The following LSAMP variants were observed in gnomAD, a reference collection of about 807,000 sequenced individuals.
LSAMP encodes the protein limbic system associated membrane protein, also known as limbic system-associated membrane protein.
Under a neutral mutation model 38.6 loss-of-function variants are expected in LSAMP, and 7 were observed. That is an observed-to-expected ratio of 0.18 (90% CI 0.10 to 0.34). LSAMP has a LOEUF of 0.34. LSAMP is among the 10% of genes least tolerant of loss of function. The probability of loss-of-function intolerance (pLI) is 1.00; values close to 1 mark genes in which losing one functional copy is unlikely to be tolerated. For synonymous variants in LSAMP, 154 were observed against 166.8 expected (o/e 0.92, Z 0.59); for missense variants, 313 against 420.0 (o/e 0.75, Z 2.23).
At chr3:115,899,276 A>G (rs1279032204) in intron 3 of LSAMP, among the ~76,000 whole-genome samples, 2 of 152,122 alleles carry the variant, frequency 1.3e-5, no homozygotes, top group Non-Finnish European at 2.9e-5. Context: ...TCTCTGTGGC[A>G]GCAGGAGTCC....
At chr3:116,319,585 A>G (rs1488003461) in intron 1 of LSAMP, among the ~76,000 whole-genome samples, 1 of 152,202 alleles carries the variant, frequency 6.6e-6, no homozygotes, top group East Asian at 1.9e-4. Flanking sequence ...AAATATATGA[A>G]AAAGAACACT....
chr3:116,171,986 A>G (rs1710211352), intron 1 of LSAMP, among the ~76,000 whole-genome samples: 1 of 152,102 alleles, frequency 6.6e-6, no homozygotes, highest in Non-Finnish European at 1.5e-5. Context: ...TTTACATACA[A>G]TAAAATTACT....
rs915770489 is a variant in LSAMP at position 115,806,751 on chromosome 3, T to C, written c.*3566A>G. On this transcript the variant is annotated 3_prime_UTR_variant, in exon 7 of 7. Transcript: ENST00000490035. Reference sequence around the variant, plus strand: ...CCTTCCTGAGAGAAAACCCATCTGCTTTTCTATAAGCCTTAGTTCTTTTAA... The same window carrying C: ...CCTTCCTGAGAGAAAACCCATCTGCCTTTCTATAAGCCTTAGTTCTTTTAA... 6.6e-6 allele frequency: 1 copy of C among 152,186 alleles called. No individual in the cohort carries two copies. The highest frequency in any genetic ancestry group is 2.4e-5 in the African/African-American group (1 of 41,442). 9.4% of individuals were successfully genotyped at this position (152,186 alleles called of 1,614,324 possible).
rs2046891003 is a variant in LSAMP, at chr3:116,266,287, G to C, written c.155+178590C>G. On this transcript the variant is annotated intron_variant, in intron 1 of 6. Transcript: ENST00000490035. ...TATTAGAGATCTAGCATGCTTTAGTGACAAGACATGGGTTCCTATTCTACT... is the reference window on the plus strand; with the variant it reads ...TATTAGAGATCTAGCATGCTTTAGTCACAAGACATGGGTTCCTATTCTACT... 2.0e-5 allele frequency among the ~76,000 whole-genome samples: 3 copies of C among 152,122 alleles called. No homozygotes were observed. The South Asian group carries it at 6.2e-4, about 32-fold the overall frequency.
intron 2 of LSAMP, among the ~76,000 whole-genome samples, chr3:116,058,949 T>TA (rs34163680): frequency 2.7e-3 from 407 of 151,954 alleles, no homozygotes; most frequent in African/African-American, 9.4e-3. Flanking sequence ...TTTTTTTTTT[T>TA]ATCATTTCCA....
chr3:116,344,060 A>G (rs2048031986), intron 1 of LSAMP, among the ~76,000 whole-genome samples: 1 of 152,146 alleles, frequency 6.6e-6, no homozygotes, highest in South Asian at 2.1e-4. Flanking sequence ...TAGAGTAATA[A>G]GCTCATCATG....
intron 3 of LSAMP, among the ~76,000 whole-genome samples, chr3:115,907,071 C>T (rs1937024937): frequency 6.6e-6 from 1 of 152,110 alleles, no homozygotes; most frequent in South Asian, 2.1e-4. Flanking sequence ...TCCATCTCAA[C>T]CCTGGACTGT....
intron 1 of LSAMP, among the ~76,000 whole-genome samples, chr3:116,151,671 C>A (rs909775162): frequency 6.6e-6 from 1 of 151,978 alleles, no homozygotes; most frequent in Non-Finnish European, 1.5e-5. Context: ...TGAGTGAACA[C>A]GATACTTGGC....
intron 1 of LSAMP, among the ~76,000 whole-genome samples, chr3:116,257,916 A>T (rs918862528): frequency 2.0e-5 from 3 of 152,186 alleles, no homozygotes; most frequent in African/African-American, 7.2e-5. Flanking sequence ...GTAAACATGG[A>T]AATATACTTT....
chr3:116,035,811 C>T (rs985133280), intron 2 of LSAMP, among the ~76,000 whole-genome samples: 1 of 152,158 alleles, frequency 6.6e-6, no homozygotes, highest in Non-Finnish European at 1.5e-5. Context: ...TGTCATTGGA[C>T]GTTGTGGAGA....
chr3:115,976,490 C>T (rs1939192475), intron 3 of LSAMP, among the ~76,000 whole-genome samples: 1 of 152,142 alleles, frequency 6.6e-6, no homozygotes, highest in Admixed American at 6.5e-5. Context: ...TGTGAAGGGA[C>T]TTCTATTTGT....
At chr3:116,443,366 T>C (rs566736844) in intron 1 of LSAMP, among the ~76,000 whole-genome samples, 1 of 152,298 alleles carries the variant, frequency 6.6e-6, no homozygotes, top group East Asian at 1.9e-4. Context: ...TAGTAGGATC[T>C]TTGGGATTCG....
intron 1 of LSAMP, among the ~76,000 whole-genome samples, chr3:116,272,489 T>C (rs1576473824): frequency 1.3e-5 from 2 of 152,194 alleles, no homozygotes. Flanking sequence ...ACTACTCAAA[T>C]TGGTCATATC....
intron 1 of LSAMP, among the ~76,000 whole-genome samples, chr3:116,200,355 T>G (rs992653377): frequency 3.3e-5 from 5 of 152,166 alleles, no homozygotes; most frequent in Non-Finnish European, 5.9e-5. Context: ...CATCTGGATA[T>G]TGTTCCCTAA....
At position 116,444,799 on chromosome 3, in the gene LSAMP, CACACACACACAA is replaced by C. The variant is rs146965043; in HGVS notation, c.155+66_155+77del. ...TTCAAGGAGATCAGACACACACACA[CACACACACACAA>C]ACACACACACACACACACACACACG... is the stretch of plus-strand genomic sequence containing the variant. On this transcript the variant is annotated intron_variant, in intron 1 of 6. Transcript: ENST00000490035. 72 of 1,508,150 alleles carry C rather than the reference CACACACACACAA, an allele frequency of 4.8e-5. No individual in the cohort carries two copies. In the African/African-American group the frequency reaches 1.0e-3, roughly 22 times the overall value. 93.4% of individuals were successfully genotyped at this position (1,508,150 alleles called of 1,614,324 possible). A position where few individuals can be genotyped will look rare whatever the true frequency, so the allele number is the denominator to read the frequency against.
intron 1 of LSAMP, among the ~76,000 whole-genome samples, chr3:116,184,348 G>A (rs979677822): frequency 9.2e-5 from 14 of 151,876 alleles, no homozygotes; most frequent in Non-Finnish European, 1.5e-5. Flanking sequence ...GGAAAGACAA[G>A]GGTATAAATC....
At chr3:116,217,143 G>A (rs539081125) in intron 1 of LSAMP, among the ~76,000 whole-genome samples, 5 of 152,150 alleles carry the variant, frequency 3.3e-5, no homozygotes, top group Non-Finnish European at 7.4e-5. Context: ...GCTGGTGGCT[G>A]TTCTGGTACG....
intron 1 of LSAMP, among the ~76,000 whole-genome samples, chr3:116,440,611 A>G (rs1046997267): frequency 6.6e-6 from 1 of 152,242 alleles, no homozygotes; most frequent in African/African-American, 2.4e-5. Context: ...ATAAATGACA[A>G]CAAATGATAA....
In LSAMP at chr3:116,257,054, C is replaced by A. The variant is rs147145086; in HGVS notation, c.156-170498G>T. On this transcript the variant is annotated intron_variant, in intron 1 of 6. Transcript: ENST00000490035. ...GACCCTGAGAGTGGTTTTCATGGGA[C>A]GGTGTGTGCTCTTCAAAGGAGGTAC... 1.4e-3 allele frequency among the ~76,000 whole-genome samples: 217 copies of A among 152,256 alleles called. 2 individuals carry two copies. Among genetic ancestry groups the A allele is most frequent in the African/African-American group, 4.9e-3 (204 of 41,562 alleles).
Sources: gnomAD v4.1 joint callset for allele counts (sites outside exome capture counted in the v4.1 genomes callset) on GRCh38, gnomAD v4.1.1 for gene constraint, MANE v1.5 for transcripts, NCBI Gene and HGNC (gene_info 2026-07-23, HGNC 2026-07-21) for gene names.